CSMD1: variants seen among roughly 807,000 people sequenced by gnomAD.
CSMD1 encodes CUB and sushi domain-containing protein 1.
A neutral mutation model predicts 417.5 loss-of-function variants in CSMD1; 213 were observed. That is an observed-to-expected ratio of 0.51 (90% CI 0.46 to 0.57). The LOEUF (loss-of-function observed/expected upper bound fraction) is 0.57. Ranked by LOEUF, CSMD1 falls within the 20% of genes least tolerant of loss-of-function variation. The pLI, the probability that CSMD1 is intolerant of heterozygous loss-of-function variation, is 0.00. For synonymous variants in CSMD1, 2,862 were observed against 1,736.8 expected (o/e 1.65, Z -16.11); for missense variants, 6,923 against 4,529.7 (o/e 1.53, Z -15.17).
At chr8:3,702,150 C>T (rs934790876) in intron 7 of CSMD1, 24 of 152,098 alleles carry the variant, frequency 1.6e-4, no homozygotes, top group Non-Finnish European at 7.3e-5. Flanking sequence ...CTCAGTTTTC[C>T]ACATTTAAAA....
chr8:3,409,679 G>A (rs1257290224), intron 12 of CSMD1, 74 bp from the exon 13 acceptor site: 16 of 1,186,094 alleles, frequency 1.3e-5, no homozygotes, highest in South Asian at 2.0e-5. Context: ...AACTTAGAAA[G>A]TAAATACGTG....
intron 3 of CSMD1, among the ~76,000 whole-genome samples, chr8:4,251,322 G>A (rs140560613): frequency 1.3e-5 from 2 of 152,104 alleles, no homozygotes; most frequent in Non-Finnish European, 2.9e-5. Context: ...CATAGTATTT[G>A]CATTATGCCA....
intron 26 of CSMD1, among the ~76,000 whole-genome samples, chr8:3,270,136 G>C (rs1234283856): frequency 6.9e-6 from 1 of 144,448 alleles, no homozygotes; most frequent in South Asian, 2.2e-4. Flanking sequence ...TGCAACCTCT[G>C]CCTCCCGGGT....
chr8:4,161,289 C>A (rs535495649), intron 3 of CSMD1, among the ~76,000 whole-genome samples: 18 of 152,204 alleles, frequency 1.2e-4, no homozygotes, highest in South Asian at 4.1e-4. Context: ...AACTCACCAG[C>A]TACACATAAT....
intron 1 of CSMD1, among the ~76,000 whole-genome samples, chr8:4,643,512 A>C (rs1803334333): frequency 6.6e-6 from 1 of 152,184 alleles, no homozygotes; most frequent in Non-Finnish European, 1.5e-5. Context: ...CTCAAGTAAA[A>C]AACATAAAAT....
At chr8:4,228,333 T>G (rs1801491095) in intron 3 of CSMD1, among the ~76,000 whole-genome samples, 1 of 152,204 alleles carries the variant, frequency 6.6e-6, no homozygotes, top group African/African-American at 2.4e-5. Context: ...TCTCTGTCTC[T>G]AATTCCTCCC....
chr8:3,762,230 G>T (rs2046197), intron 5 of CSMD1, among the ~76,000 whole-genome samples: 2 of 151,834 alleles, frequency 1.3e-5, no homozygotes, highest in Admixed American at 1.3e-4. Flanking sequence ...TCCTGACTCA[G>T]ATCATCCCAT....
chr8:3,410,733 AT>A (rs1170515891), intron 12 of CSMD1, among the ~76,000 whole-genome samples: 2 of 152,068 alleles, frequency 1.3e-5, no homozygotes, highest in Non-Finnish European at 2.9e-5. Context: ...ATGGAGGAAA[AT>A]TTTTTAAAAT....
At chr8:4,384,496 C>T (rs1563117430) in intron 3 of CSMD1, among the ~76,000 whole-genome samples, 1 of 152,288 alleles carries the variant, frequency 6.6e-6, no homozygotes. Context: ...ATTTGTTGAT[C>T]AAATAGTTGA....
chr8:3,694,632 G>A (rs2624057), intron 7 of CSMD1, among the ~76,000 whole-genome samples: 10,234 of 151,982 alleles, frequency 0.067, 1,117 homozygotes, highest in African/African-American at 0.23. Context: ...GGGCATGAGA[G>A]GGAGGCTGGG....
At chr8:4,708,570 TCTTTGAGTCA>T (rs1808094301) in intron 1 of CSMD1, among the ~76,000 whole-genome samples, 1 of 152,194 alleles carries the variant, frequency 6.6e-6, no homozygotes, top group South Asian at 2.1e-4. Context: ...TAATATTGTA[TCTTTGAGTCA>T]CTTAAACTAG....
intron 5 of CSMD1, among the ~76,000 whole-genome samples, chr8:3,854,141 A>T (rs1364890532): frequency 7.5e-6 from 1 of 132,572 alleles, no homozygotes; most frequent in Non-Finnish European, 1.5e-5. Flanking sequence ...TATAAACTCT[A>T]TTAAAGTATA....
In CSMD1 at chr8:3,406,058, C is replaced by G. The variant is rs577019255; in HGVS notation, c.2235G>C (p.Val745=). The change falls in exon 15 of 70, where the codon GTG becomes GTC. Residue 745 remains valine (V), a synonymous_variant. Coordinates refer to ENST00000635120, the MANE Select transcript of CSMD1 (RefSeq NM_033225.6). The part of the protein sequence containing the change: ...SITCILQDGN[V]VWSSTVPRCE... ...AGCGGGGCACGGTGGAGCTCCAGAC[C>G]ACGTTCCCGTCTTGCAGTATGCAGG... The G allele has an allele frequency of 2.5e-6, 4 of 1,613,752 alleles. No individual in the cohort carries two copies. Among genetic ancestry groups the G allele is most frequent in the Non-Finnish European group, 3.4e-6 (4 of 1,179,860 alleles).
intron 20 of CSMD1, among the ~76,000 whole-genome samples, chr8:3,365,628 G>A (rs986459851): frequency 6.6e-6 from 1 of 152,272 alleles, no homozygotes; most frequent in African/African-American, 2.4e-5. Context: ...TAAAATGTTA[G>A]GTATATCATG....
At chr8:4,877,976 T>C (rs1803153703) in intron 1 of CSMD1, among the ~76,000 whole-genome samples, 1 of 152,182 alleles carries the variant, frequency 6.6e-6, no homozygotes, top group Non-Finnish European at 1.5e-5. Flanking sequence ...CACATATGTA[T>C]GTGCACACCC....
intron 1 of CSMD1, among the ~76,000 whole-genome samples, chr8:4,730,024 C>T (rs1178964427): frequency 6.6e-6 from 1 of 152,152 alleles, no homozygotes; most frequent in Non-Finnish European, 1.5e-5. Flanking sequence ...AGCACACCTG[C>T]TCCCATGTTA....
intron 3 of CSMD1, among the ~76,000 whole-genome samples, chr8:4,315,582 A>C (rs1000730552): frequency 1.4e-4 from 21 of 152,260 alleles, no homozygotes; most frequent in Admixed American, 5.9e-4. Flanking sequence ...TCTTCCATCC[A>C]GAACTTTGCC....
chr8:4,034,075 C>T (rs554652567), intron 3 of CSMD1, among the ~76,000 whole-genome samples: 10 of 152,204 alleles, frequency 6.6e-5, no homozygotes, highest in South Asian at 2.1e-4. Context: ...GTCTTTGCAT[C>T]GGCATGGGGG....
chr8:3,002,674 A>G (rs1807515978), intron 52 of CSMD1, among the ~76,000 whole-genome samples: 1 of 152,216 alleles, frequency 6.6e-6, no homozygotes, highest in African/African-American at 2.4e-5. Flanking sequence ...ATTTTTCTGA[A>G]CTGAGTTTTT....
Sources: allele counts gnomAD v4.1 joint callset (sites outside exome capture counted in the v4.1 genomes callset), GRCh38; gene constraint gnomAD v4.1.1; transcripts MANE v1.5; gene names NCBI Gene and HGNC (gene_info 2026-07-23, HGNC 2026-07-21).